TTBK2: variants seen among roughly 807,000 people sequenced by gnomAD.
The protein encoded by TTBK2 is tau tubulin kinase 2.
Under a neutral mutation model 110.8 loss-of-function variants are expected in TTBK2, and 28 were observed. The observed-to-expected ratio is 0.25, with a 90% CI of 0.19 to 0.35. The LOEUF is 0.35. Ranked by LOEUF, TTBK2 falls within the 10% of genes least tolerant of loss-of-function variation. The pLI, the probability that TTBK2 is intolerant of heterozygous loss-of-function variation, is 1.00. For missense variants in TTBK2, 1,369 were observed against 1,500.3 expected (o/e 0.91, Z 1.45); for synonymous variants, 532 against 527.3 (o/e 1.01, Z -0.12).
chr15:42,811,273 T>C (rs1449854024), intron 8 of TTBK2, among the ~76,000 whole-genome samples: 2 of 152,210 alleles, frequency 1.3e-5, no homozygotes, highest in Non-Finnish European at 2.9e-5. Flanking sequence ...GGATCATAGA[T>C]GTGAGCCATT....
At position 42,743,448 on chromosome 15, in the gene TTBK2, G is replaced by A. The variant is rs1376410878; in HGVS notation, c.*2347C>T. ...CAATGATTACTACTAGCATATTTCC[G>A]ACTAAAGGGGTCAGGATTTAAAGCT... On this transcript the variant is annotated 3_prime_UTR_variant, in exon 15 of 15. Transcript: ENST00000267890. 8 of 152,110 alleles carry A rather than the reference G, an allele frequency of 5.3e-5. No individual in the cohort carries two copies. Among genetic ancestry groups the A allele is most frequent in the Non-Finnish European group, 1.0e-4 (7 of 68,024 alleles). The allele number at this position is 152,110 out of a possible 1,614,324, so 9.4% of individuals were successfully genotyped here.
Position 42,794,692 on chromosome 15 carries a change from G to A in TTBK2, c.932C>T (p.Thr311Ile), listed in dbSNP as rs776686259. The stretch of plus-strand genomic sequence containing the variant: ...AGTGTGCAACTGAGGGGTGGTAGAA[G>A]TAGTGGTGGTTGTTAGGGAGCCATC... The part of the protein sequence containing the change: ...GNDGSLTTTT[T>I]STTPQLHTRL... The change falls in exon 10 of 15, where the codon ACT (threonine) becomes ATT (isoleucine). Residue 311 changes from threonine (T) to isoleucine (I), a missense_variant. Physicochemically the swap from Thr to Ile is moderately conservative, Grantham distance 89 (BLOSUM62 -1). Coordinates refer to ENST00000267890, the MANE Select transcript of TTBK2 (RefSeq NM_173500.4). The A allele has an allele frequency of 8.1e-6, 13 of 1,614,056 alleles. No homozygotes were observed. The highest frequency in any genetic ancestry group is 1.3e-5 in the African/African-American group (1 of 74,904).
Position 42,824,098 on chromosome 15 carries a change from AG to A in TTBK2, c.537+3829del, listed in dbSNP as rs529193293. Among the ~76,000 whole-genome samples the A allele has an allele frequency of 1.5e-4, 23 of 152,276 alleles. 1 individual carries two copies. The South Asian group carries it at 2.1e-3, about 14-fold the overall frequency. On this transcript the variant is annotated intron_variant, in intron 6 of 14. Transcript: ENST00000267890. ...ACAATCAGCTCTCATAAGAACTAAC[AG>A]AGTGAGAACTCACGACCCCTCCGCT...
At chr15:42,885,944 G>T (rs952559112) in intron 1 of TTBK2, among the ~76,000 whole-genome samples, 6 of 152,106 alleles carry the variant, frequency 3.9e-5, no homozygotes, top group African/African-American at 1.4e-4. Context: ...GCCAGAGAAT[G>T]GCACTTTTGA....
chr15:42,786,729 C>A (rs1229369075), intron 10 of TTBK2, among the ~76,000 whole-genome samples: 1 of 152,194 alleles, frequency 6.6e-6, no homozygotes, highest in Non-Finnish European at 1.5e-5. Flanking sequence ...CACACAGGCT[C>A]TCTTTTATAG....
chr15:42,909,237 G>A (rs146070323), intron 1 of TTBK2, among the ~76,000 whole-genome samples: 14 of 152,272 alleles, frequency 9.2e-5, no homozygotes, highest in African/African-American at 3.1e-4. Context: ...AAAGTCCTGC[G>A]CCTAAGCGAT....
intron 1 of TTBK2, among the ~76,000 whole-genome samples, chr15:42,917,492 T>C (rs1293250558): frequency 1.3e-5 from 2 of 152,148 alleles, no homozygotes; most frequent in African/African-American, 2.4e-5. Flanking sequence ...AGTAGTAATA[T>C]GTGTTGTCCT....
At chr15:42,785,198 C>A (rs547993968) in intron 10 of TTBK2, among the ~76,000 whole-genome samples, 1 of 149,330 alleles carries the variant, frequency 6.7e-6, no homozygotes, top group South Asian at 2.1e-4. Context: ...CTGCTCACTG[C>A]AACCTCCGCC....
chr15:42,763,835 C>A (rs527266119), intron 13 of TTBK2, among the ~76,000 whole-genome samples: 1 of 152,138 alleles, frequency 6.6e-6, no homozygotes, highest in Non-Finnish European at 1.5e-5. Context: ...TCAAAACCTA[C>A]GTGAATGAAA....
intron 9 of TTBK2, among the ~76,000 whole-genome samples, chr15:42,797,647 A>C (rs1277957341): frequency 6.6e-6 from 1 of 152,214 alleles, no homozygotes; most frequent in Admixed American, 6.5e-5. Context: ...TCAGGGACTT[A>C]CTTTTTTTGG....
chr15:42,882,601 G>A (rs1243871835), intron 1 of TTBK2, among the ~76,000 whole-genome samples: 1 of 151,894 alleles, frequency 6.6e-6, no homozygotes, highest in East Asian at 1.9e-4. Context: ...ACAACACAGT[G>A]AGACTTCATC....
At chr15:42,819,264 C>A (rs892653795) in intron 6 of TTBK2, among the ~76,000 whole-genome samples, 1 of 151,102 alleles carries the variant, frequency 6.6e-6, no homozygotes, top group Non-Finnish European at 1.5e-5. Context: ...GTCAAGAGAT[C>A]GACACCATCC....
At chr15:42,754,226 G>C (rs1343253956) in intron 13 of TTBK2, among the ~76,000 whole-genome samples, 1 of 151,648 alleles carries the variant, frequency 6.6e-6, no homozygotes, top group Non-Finnish European at 1.5e-5. Context: ...TGGGACTACA[G>C]CATGCACCAC....
At chr15:42,905,945 T>C (rs1309394602) in intron 1 of TTBK2, among the ~76,000 whole-genome samples, 1 of 152,140 alleles carries the variant, frequency 6.6e-6, no homozygotes, top group Non-Finnish European at 1.5e-5. Context: ...TCCCAGCACT[T>C]TGGGAGGCCA....
At chr15:42,764,227 G>A (rs890886709) in intron 13 of TTBK2, among the ~76,000 whole-genome samples, 18 of 152,156 alleles carry the variant, frequency 1.2e-4, no homozygotes, top group African/African-American at 4.1e-4. Context: ...TCCAACTGAG[G>A]TACCTGGTTC....
intron 3 of TTBK2, among the ~76,000 whole-genome samples, chr15:42,843,275 C>T (rs141425203): frequency 4.0e-4 from 61 of 152,282 alleles, no homozygotes; most frequent in African/African-American, 1.4e-3. Flanking sequence ...ACAATGGCCC[C>T]TTCTCAAAAC....
rs767574507 is a variant in TTBK2 at position 42,801,367 on chromosome 15, T to TGGCATC, written c.823-6572_823-6567dup. 27 of 1,481,580 alleles carry TGGCATC rather than the reference T, an allele frequency of 1.8e-5. 1 individual carries two copies. In the Admixed American group the frequency reaches 3.2e-4, roughly 17 times the overall value. 91.8% of individuals were successfully genotyped at this position (1,481,580 alleles called of 1,614,324 possible). A position where few individuals can be genotyped will look rare whatever the true frequency, so the allele number is the denominator to read the frequency against. The stretch of plus-strand genomic sequence containing the variant: ...GCCTCCAGCTCAGACAGCTTGGCAT[T>TGGCATC]GGCATCCTTAATGGCTAGCTCCCCA... On this transcript the variant is annotated intron_variant, in intron 9 of 14. Coordinates refer to ENST00000267890, the MANE Select transcript of TTBK2 (RefSeq NM_173500.4).
chr15:42,805,810 T>C (rs1891440616), intron 9 of TTBK2, among the ~76,000 whole-genome samples: 1 of 152,208 alleles, frequency 6.6e-6, no homozygotes, highest in South Asian at 2.1e-4. Context: ...TCATCCACAC[T>C]ATACCCTTTC....
chr15:42,795,805 T>C (rs1324416852), intron 9 of TTBK2, among the ~76,000 whole-genome samples: 2 of 146,342 alleles, frequency 1.4e-5, no homozygotes, highest in African/African-American at 2.6e-5. Context: ...ATCGTGTCAC[T>C]GTACTCCAAC....
Sources: gnomAD v4.1 joint callset for allele counts (sites outside exome capture counted in the v4.1 genomes callset) on GRCh38, gnomAD v4.1.1 for gene constraint, MANE v1.5 for transcripts, NCBI Gene and HGNC (gene_info 2026-07-23, HGNC 2026-07-21) for gene names.